The following PACRG variants were observed in gnomAD, a reference collection of about 807,000 sequenced individuals.
PACRG encodes the protein parkin coregulated.
PACRG carries 29 observed loss-of-function variants against 29.7 expected under a neutral mutation model. That is an observed-to-expected ratio of 0.98 (90% CI 0.73 to 1.33). The LOEUF is 1.33. Among genes scored for constraint, PACRG ranks in the 40% most tolerant of loss-of-function variants. The probability of loss-of-function intolerance (pLI) is 0.00; values close to 1 mark genes in which losing one functional copy is unlikely to be tolerated. For missense variants in PACRG, 279 were observed against 316.2 expected (o/e 0.88, Z 0.89); for synonymous variants, 116 against 118.7 (o/e 0.98, Z 0.15).
At chr6:163,142,308 A>T (rs1161326019) in intron 4 of PACRG, among the ~76,000 whole-genome samples, 1 of 152,226 alleles carries the variant, frequency 6.6e-6, no homozygotes, top group Non-Finnish European at 1.5e-5. Flanking sequence ...CGTTTCACCA[A>T]GAATGAGCAC....
At chr6:163,067,139 T>C (rs761682269) in intron 3 of PACRG, among the ~76,000 whole-genome samples, 23 of 152,116 alleles carry the variant, frequency 1.5e-4, no homozygotes, top group African/African-American at 4.1e-4. Context: ...GCCTTCCTGC[T>C]GTAGCACCGC....
At chr6:163,246,193 G>C (rs1782691428) in intron 4 of PACRG, among the ~76,000 whole-genome samples, 1 of 152,118 alleles carries the variant, frequency 6.6e-6, no homozygotes, top group Non-Finnish European at 1.5e-5. Flanking sequence ...GCATATAAGA[G>C]GTAACATCAC....
intron 2 of PACRG, chr6:162,997,358 A>G (rs934497435): frequency 2.2e-6 from 1 of 446,260 alleles, no homozygotes; most frequent in Non-Finnish European, 4.5e-6. Flanking sequence ...TGCTTATATT[A>G]GTCCTTTTTG....
In PACRG at chr6:162,838,007, T is replaced by C. The variant is rs527543536; in HGVS notation, c.291+23726T>C. Reference sequence around the variant, plus strand: ...TCATATTTATTTTAGAAAAATTAGATAATATAGAAAAATGTAGGCAAGGAG... The same window carrying C: ...TCATATTTATTTTAGAAAAATTAGACAATATAGAAAAATGTAGGCAAGGAG... On this transcript the variant is annotated intron_variant, in intron 2 of 4. Coordinates refer to ENST00000366888, the MANE Select transcript of PACRG (RefSeq NM_001080379.2). Among the ~76,000 whole-genome samples, 8 of 152,232 alleles carry C rather than the reference T, an allele frequency of 5.3e-5. No homozygotes were observed. The East Asian group carries it at 1.2e-3, about 22-fold the overall frequency.
chr6:163,019,366 T>C (rs1321199440), intron 2 of PACRG, among the ~76,000 whole-genome samples: 3 of 152,188 alleles, frequency 2.0e-5, no homozygotes, highest in African/African-American at 7.2e-5. Context: ...TGCCTTCTCT[T>C]CTGTCTTTCC....
intron 1 of PACRG, among the ~76,000 whole-genome samples, chr6:162,764,326 A>C (rs1388349020): frequency 6.6e-6 from 1 of 152,156 alleles, no homozygotes; most frequent in Non-Finnish European, 1.5e-5. Context: ...CATAAATTTC[A>C]TTGCAAAAAT....
intron 2 of PACRG, among the ~76,000 whole-genome samples, chr6:163,008,458 A>C (rs1251623028): frequency 6.6e-6 from 1 of 152,018 alleles, no homozygotes; most frequent in Non-Finnish European, 1.5e-5. Context: ...CTAAACTCAC[A>C]GAGTGAAAAG....
Position 163,191,335 on chromosome 6 carries a change from A to G in PACRG, c.613+101927A>G, listed in dbSNP as rs373994279. ...TCTATGAATGATCCCACCCAGTCTC[A>G]TTCCTCAGCTCAGTGTCAAGTTCCA... On this transcript the variant is annotated intron_variant, in intron 4 of 4. Transcript: ENST00000366888. Among the ~76,000 whole-genome samples, 123 of 152,146 alleles carry G rather than the reference A, an allele frequency of 8.1e-4. 1 individual carries two copies. The East Asian group carries it at 0.019, about 24-fold the overall frequency.
intron 1 of PACRG, among the ~76,000 whole-genome samples, chr6:162,736,334 C>T (rs923688380): frequency 3.3e-5 from 5 of 151,986 alleles, no homozygotes; most frequent in Non-Finnish European, 5.9e-5. Flanking sequence ...CGTAGACTTT[C>T]GGTGGTCCAA....
chr6:162,929,070 A>G (rs754053537), intron 2 of PACRG, among the ~76,000 whole-genome samples: 21 of 152,060 alleles, frequency 1.4e-4, no homozygotes, highest in Non-Finnish European at 3.1e-4. Flanking sequence ...TAGTGCTCCA[A>G]TAAACATGAC....
chr6:162,804,233 A>G (rs1433805956), intron 1 of PACRG, among the ~76,000 whole-genome samples: 4 of 152,186 alleles, frequency 2.6e-5, no homozygotes, highest in Non-Finnish European at 5.9e-5. Context: ...TATTATTTAT[A>G]TGATTTAAAC....
chr6:163,114,608 G>C (rs552410252), intron 4 of PACRG, among the ~76,000 whole-genome samples: 1 of 152,174 alleles, frequency 6.6e-6, no homozygotes, highest in East Asian at 1.9e-4. Flanking sequence ...GACACAGAAA[G>C]AAAAATATTA....
At chr6:162,746,572 C>T (rs1159652686) in intron 1 of PACRG, among the ~76,000 whole-genome samples, 2 of 152,146 alleles carry the variant, frequency 1.3e-5, no homozygotes, top group South Asian at 2.1e-4. Flanking sequence ...ACAAAATTAT[C>T]TTCTGTCATT....
At chr6:162,835,104 T>G (rs928256768) in intron 2 of PACRG, among the ~76,000 whole-genome samples, 48 of 152,114 alleles carry the variant, frequency 3.2e-4, no homozygotes, top group Admixed American at 3.1e-3. Context: ...TGTTTGAAGC[T>G]TGGAATAAAT....
rs797004505 is a variant in PACRG, at chr6:162,777,297, G to A, written c.157-36850G>A. 9.8e-5 allele frequency among the ~76,000 whole-genome samples: 15 copies of A among 152,326 alleles called. No individual in the cohort carries two copies. Among genetic ancestry groups the A allele is most frequent in the African/African-American group, 3.6e-4 (15 of 41,584 alleles). Reference sequence around the variant, plus strand: ...GGCCATGTGCTCACAGGCCTCTGCTGTGTTCCCTGTGGCACCTTCGCAGAC... The same window carrying A: ...GGCCATGTGCTCACAGGCCTCTGCTATGTTCCCTGTGGCACCTTCGCAGAC... On this transcript the variant is annotated intron_variant, in intron 1 of 4. Coordinates refer to ENST00000366888, the MANE Select transcript of PACRG (RefSeq NM_001080379.2). The surrounding 1 kb of genome is among the most constrained non-coding windows in gnomAD (Gnocchi z 4.0).
At chr6:163,010,174 A>C (rs996307398) in intron 2 of PACRG, among the ~76,000 whole-genome samples, 1 of 152,202 alleles carries the variant, frequency 6.6e-6, no homozygotes, top group Admixed American at 6.5e-5. Flanking sequence ...AAAGTGATCC[A>C]CTATAATCAA....
chr6:163,192,528 C>T (rs978490748), intron 4 of PACRG, among the ~76,000 whole-genome samples: 8 of 152,106 alleles, frequency 5.3e-5, no homozygotes, highest in Admixed American at 6.5e-5. Context: ...GATTTTTTCC[C>T]CCAGACAAAT....
At chr6:162,989,253 G>A (rs1284272197) in intron 2 of PACRG, among the ~76,000 whole-genome samples, 1 of 152,172 alleles carries the variant, frequency 6.6e-6, no homozygotes, top group Non-Finnish European at 1.5e-5. Context: ...AGCAACTGCA[G>A]GAGGAGAAAC....
intron 2 of PACRG, among the ~76,000 whole-genome samples, chr6:162,899,524 C>G (rs1320285869): frequency 6.6e-6 from 1 of 152,182 alleles, no homozygotes; most frequent in African/African-American, 2.4e-5. Flanking sequence ...GGACTGTGTG[C>G]AGGTAGGCAT....
Sources: allele counts gnomAD v4.1 joint callset (sites outside exome capture counted in the v4.1 genomes callset), GRCh38; gene constraint gnomAD v4.1.1; non-coding constraint Gnocchi (gnomAD v3.1); transcripts MANE v1.5; gene names NCBI Gene and HGNC (gene_info 2026-07-23, HGNC 2026-07-21).